The following UPF1 variants were observed in gnomAD, a reference collection of about 807,000 sequenced individuals.
UPF1 encodes the protein regulator of nonsense transcripts 1.
Under a neutral mutation model 129.2 loss-of-function variants are expected in UPF1, and 9 were observed. The ratio of observed to expected loss-of-function variants is 0.07; its 90% CI spans 0.04 to 0.12. UPF1 has a LOEUF of 0.12. UPF1 is among the 10% of genes least tolerant of loss of function. The pLI is 1.00. For missense variants in UPF1, 788 were observed against 1,525.3 expected, an observed-to-expected ratio of 0.52 and a Z score of 8.05; for synonymous variants, 649 against 644.9, an observed-to-expected ratio of 1.01 and a Z score of -0.10.
In UPF1 at chr19:18,853,600, G is replaced by T. The variant is rs766449378; in HGVS notation, c.1156+250G>T. On this transcript the variant is annotated intron_variant, in intron 8 of 23. Coordinates refer to ENST00000262803, the MANE Select transcript of UPF1 (RefSeq NM_002911.4). The surrounding 1 kb of genome is among the most constrained non-coding windows in gnomAD (Gnocchi z 4.4). ...GTTGGTGATGCCACTTGTGTGGCGC[G>T]TCCCTGGGCTGACTCTGGAAGTTAA... Among the ~76,000 whole-genome samples, 1 of 152,184 alleles carries T rather than the reference G, an allele frequency of 6.6e-6. No individual in the cohort carries two copies. Among genetic ancestry groups the T allele is most frequent in the Non-Finnish European group, 1.5e-5 (1 of 68,032 alleles).
chr19:18,855,699 T>G, intron 11 of UPF1: 1 of 602,720 alleles, frequency 1.7e-6, no homozygotes, highest in South Asian at 2.2e-5. Flanking sequence ...AATTCAGAAA[T>G]TAGCTGGGGG....
In UPF1 at chr19:18,865,798, G is replaced by C. The variant is rs747088686; in HGVS notation, c.3237+20G>C. The C allele has an allele frequency of 3.7e-6, 6 of 1,611,464 alleles. No individual in the cohort carries two copies. The highest frequency in any genetic ancestry group is 1.1e-5 in the South Asian group (1 of 91,068). On this transcript the variant is annotated intron_variant, in intron 22 of 23. Transcript: ENST00000262803. The surrounding 1 kb of genome is among the most constrained non-coding windows in gnomAD (Gnocchi z 6.1). ...TCCCAGGTGAGCCCGCCCCTGGGAC[G>C]GGACTTACCTGAGTGAGGGTGGGGC...
rs757371840 is a variant in UPF1 at position 18,866,152 on chromosome 19, T to C, written c.3346T>C (p.Ser1116Pro). ...AYQHGGVTGL[S>P]QY ...CCAGCATGGCGGGGTGACGGGGCTG[T>C]CCCAGTATTAAAAGGCAAGCCCCCC... Residue 1116 changes from serine (S) to proline (P), a missense_variant, in exon 23 of 24, where the codon TCC (serine) becomes CCC (proline). Transcript: ENST00000262803. 6.2e-7 allele frequency: 1 copy of C among 1,604,070 alleles called. No homozygotes were observed. Among genetic ancestry groups the C allele is most frequent in the East Asian group, 2.2e-5 (1 of 44,680 alleles).
intron 19 of UPF1, 86 bp from the exon 20 acceptor site, chr19:18,864,084 C>G: frequency 8.3e-7 from 1 of 1,202,338 alleles, no homozygotes; most frequent in Non-Finnish European, 1.2e-6. Context: ...CAGCTGCATA[C>G]CTGCCACCTC....
intron 14 of UPF1, 79 bp downstream of exon 14, chr19:18,857,099 T>C: frequency 1.3e-6 from 2 of 1,557,682 alleles, no homozygotes; most frequent in Non-Finnish European, 1.7e-6. Flanking sequence ...ACACCTTGTA[T>C]TGACGTAGGA....
chr19:18,842,886 C>T (rs942912428), intron 1 of UPF1, among the ~76,000 whole-genome samples: 1 of 151,806 alleles, frequency 6.6e-6, no homozygotes, highest in Admixed American at 6.6e-5. Context: ...ACTTGGGAGG[C>T]TGAGGCAGGA....
rs2055443161 is a variant in UPF1, at chr19:18,832,852, C to T, written c.231+412C>T. Among the ~76,000 whole-genome samples, 1 of 152,204 alleles carries T rather than the reference C, an allele frequency of 6.6e-6. No homozygotes were observed. Among genetic ancestry groups the T allele is most frequent in the South Asian group, 2.1e-4 (1 of 4,828 alleles). On this transcript the variant is annotated intron_variant, in intron 1 of 23. Transcript: ENST00000262803. This position sits in a 1 kb window ranked among gnomAD's most constrained non-coding sequence, Gnocchi z 5.6. The stretch of plus-strand genomic sequence containing the variant: ...CACAATCAGTCTGGCCTGGAGTAAC[C>T]TGCCCCCTGACTTATCTGAGTTCTT...
rs766945612 is a variant in UPF1 at position 18,860,431 on chromosome 19, C to T, written c.2293C>T (p.Leu765=). 3.1e-6 allele frequency: 5 copies of T among 1,614,038 alleles called. No homozygotes were observed. Among genetic ancestry groups the T allele is most frequent in the Non-Finnish European group, 4.2e-6 (5 of 1,179,984 alleles). ...EEIASSGTSY[L]NRTEAANVEK... ...GATTGCCAGCTCGGGCACCTCCTAC[C>T]TGAACAGGTGAGCAGGGACAGGCCC... Residue 765 remains leucine (L), a synonymous_variant, in exon 16 of 24, where the codon CTG becomes TTG. Transcript: ENST00000262803.
chr19:18,836,915 G>A (rs991140672), intron 1 of UPF1, among the ~76,000 whole-genome samples: 2 of 151,582 alleles, frequency 1.3e-5, no homozygotes, highest in Non-Finnish European at 2.9e-5. Flanking sequence ...TACCATGCCC[G>A]GCTAATTTTT....
At chr19:18,835,322 T>A (rs1361916490) in intron 1 of UPF1, among the ~76,000 whole-genome samples, 1 of 152,096 alleles carries the variant, frequency 6.6e-6, no homozygotes, top group African/African-American at 2.4e-5. Context: ...TCATCCACGC[T>A]GTGGTATGTG....
At position 18,865,607 on chromosome 19, in the gene UPF1, G is replaced by A. The variant is rs1291539592; in HGVS notation, c.3066G>A (p.Lys1022=). 2.5e-6 allele frequency: 4 copies of A among 1,613,764 alleles called. No individual in the cohort carries two copies. The highest frequency in any genetic ancestry group is 3.4e-6 in the Non-Finnish European group (4 of 1,180,042). The change falls in exon 22 of 24, where the codon AAG becomes AAA. Residue 1022 remains lysine, a synonymous_variant. Coordinates refer to ENST00000262803, the MANE Select transcript of UPF1 (RefSeq NM_002911.4). The surrounding 1 kb of genome is among the most constrained non-coding windows in gnomAD (Gnocchi z 6.1). The part of the protein sequence containing the change: ...KGKTGRGGRQ[K]NRFGLPGPSQ... ...AGACTGGTCGTGGGGGACGCCAGAA[G>A]AACCGCTTTGGGCTTCCTGGACCCA...
rs775288936 is a variant in UPF1 at position 18,832,349 on chromosome 19, C to T, written c.140C>T (p.Pro47Leu). 35 of 1,365,550 alleles carry T rather than the reference C, an allele frequency of 2.6e-5. No homozygotes were observed. The highest frequency in any genetic ancestry group is 3.4e-5 in the Non-Finnish European group (35 of 1,037,138). The allele number at this position is 1,365,550 out of a possible 1,614,324, so 84.6% of individuals were successfully genotyped here. A position where few individuals can be genotyped will look rare whatever the true frequency, so the allele number is the denominator to read the frequency against. ...ACTCTTCCTAGCCAGACGCAGACGCCCCCCGGCGGCCCCGGCGGCCCGGGC... is the reference window on the plus strand; with the variant it reads ...ACTCTTCCTAGCCAGACGCAGACGCTCCCCGGCGGCCCCGGCGGCCCGGGC... ...DFTLPSQTQT[P>L]PGGPGGPGGG... Residue 47 changes from proline to leucine, a missense_variant, in exon 1 of 24, where the codon CCC (proline) becomes CTC (leucine). Physicochemically the swap from Pro to Leu is moderately conservative, Grantham distance 98 (BLOSUM62 -3). Transcript: ENST00000262803. The surrounding 1 kb of genome is among the most constrained non-coding windows in gnomAD (Gnocchi z 5.6).
chr19:18,857,695 C>A (rs1377856114), intron 15 of UPF1, among the ~76,000 whole-genome samples, 162 bp downstream of exon 15: 3 of 152,218 alleles, frequency 2.0e-5, no homozygotes, highest in Non-Finnish European at 4.4e-5. Context: ...ATGGTATGGT[C>A]TTGGATCAAG....
chr19:18,866,009 C>T, intron 22 of UPF1, 35 bp from the exon 23 acceptor site: 1 of 1,612,728 alleles, frequency 6.2e-7, no homozygotes, highest in South Asian at 1.1e-5. Flanking sequence ...CACCCTTGGC[C>T]TGTGGCTTGC....
intron 9 of UPF1, 69 bp downstream of exon 9, chr19:18,854,778 C>G (rs1354553536): frequency 2.5e-6 from 4 of 1,605,450 alleles, no homozygotes; most frequent in East Asian, 2.2e-5. Flanking sequence ...GAGCCCTCCC[C>G]GTCACTGTGG....
rs2055786596 is a variant in UPF1, at chr19:18,862,069, G to A, written c.2517G>A (p.Leu839=). The stretch of plus-strand genomic sequence containing the variant: ...GACGCGAGAAGGACTTCATCATCCT[G>A]TCCTGTGTGCGGGCCAACGAGCACC... ...FQGREKDFII[L]SCVRANEHQG... Residue 839 remains leucine (L), a synonymous_variant, in exon 18 of 24, where the codon CTG becomes CTA. Transcript: ENST00000262803. The A allele has an allele frequency of 6.2e-7, 1 of 1,613,978 alleles. No individual in the cohort carries two copies. Among genetic ancestry groups the A allele is most frequent in the Non-Finnish European group, 8.5e-7 (1 of 1,180,044 alleles).
chr19:18,841,175 A>G (rs1177059251), intron 1 of UPF1, among the ~76,000 whole-genome samples: 1 of 152,258 alleles, frequency 6.6e-6, no homozygotes, highest in Non-Finnish European at 1.5e-5. Flanking sequence ...CTAACATACA[A>G]GAGCTGGTGA....
intron 3 of UPF1, 58 bp downstream of exon 3, chr19:18,847,891 A>G (rs998057325): frequency 1.2e-4 from 189 of 1,553,964 alleles, no homozygotes; most frequent in Middle Eastern, 5.1e-4. Flanking sequence ...ATTTGTGTGT[A>G]AATTATGGAA....
At chr19:18,835,853 T>G (rs778033036) in intron 1 of UPF1, among the ~76,000 whole-genome samples, 2 of 152,192 alleles carry the variant, frequency 1.3e-5, no homozygotes, top group Non-Finnish European at 2.9e-5. Context: ...AACCTTGGGT[T>G]TAATGGTTTC....
Sources: gnomAD v4.1 joint callset for allele counts (sites outside exome capture counted in the v4.1 genomes callset) on GRCh38, gnomAD v4.1.1 for gene constraint, Gnocchi (gnomAD v3.1) non-coding constraint, MANE v1.5 for transcripts, NCBI Gene and HGNC (gene_info 2026-07-23, HGNC 2026-07-21) for gene names.